TTL: variants seen among roughly 807,000 people sequenced by gnomAD.
TTL encodes the protein tubulin--tyrosine ligase.
In TTL, 10 loss-of-function variants were observed where a neutral mutation model predicts 41.1. That is an observed-to-expected ratio of 0.24 (90% CI 0.15 to 0.41). The LOEUF is 0.41. Ranked by LOEUF, TTL falls within the 10% of genes least tolerant of loss-of-function variation. The pLI is 1.00. For missense variants in TTL, 367 were observed against 460.4 expected, an observed-to-expected ratio of 0.80 and a Z score of 1.86; for synonymous variants, 175 against 175.5, an observed-to-expected ratio of 1.00 and a Z score of 0.02.
At chr2:112,493,247 G>A (rs142000366) in intron 2 of TTL, among the ~76,000 whole-genome samples, 1 of 152,284 alleles carries the variant, frequency 6.6e-6, no homozygotes, top group East Asian at 1.9e-4. Flanking sequence ...CACAGCTCAG[G>A]GAAGGCCAGT....
Position 112,520,472 on chromosome 2 carries a change from G to A in TTL, c.1019+47G>A, listed in dbSNP as rs538391918. On this transcript the variant is annotated intron_variant, in intron 6 of 6. Transcript: ENST00000233336. ...TTTTTACAAGTGGGAAGTTGGTTCTGCAGTTGGGATAGTCTGTGGGTACAA... is the reference window on the plus strand; with the variant it reads ...TTTTTACAAGTGGGAAGTTGGTTCTACAGTTGGGATAGTCTGTGGGTACAA... 1.2e-4 allele frequency: 190 copies of A among 1,604,982 alleles called. 4 individuals carry two copies. The South Asian group carries it at 2.0e-3, about 17-fold the overall frequency.
chr2:112,514,285 G>C (rs1468636985), intron 5 of TTL, among the ~76,000 whole-genome samples: 1 of 151,996 alleles, frequency 6.6e-6, no homozygotes, highest in Non-Finnish European at 1.5e-5. Flanking sequence ...GGGAGGCTGA[G>C]GTGGGAGAAT....
At position 112,528,718 on chromosome 2, in the gene TTL, A is replaced by C. The variant is rs745392240; in HGVS notation, c.1057A>C (p.Ile353Leu). Reference protein sequence around the residue: ...YAELCQGIVDIAISSVFPPPD... With the variant: ...YAELCQGIVDLAISSVFPPPD... ...AGAACTGTGCCAAGGCATCGTGGACATAGCCATTTCCAGTGTCTTCCCACC... is the reference window on the plus strand; with the variant it reads ...AGAACTGTGCCAAGGCATCGTGGACCTAGCCATTTCCAGTGTCTTCCCACC... Residue 353 changes from isoleucine (I) to leucine (L), a missense_variant, in exon 7 of 7, where the codon ATA becomes CTA. By Grantham distance (5) the Ile-to-Leu change is conservative. Transcript: ENST00000233336. 2 of 1,614,198 alleles carry C rather than the reference A, an allele frequency of 1.2e-6. No individual in the cohort carries two copies. The highest frequency in any genetic ancestry group is 3.3e-5 in the Admixed American group (2 of 60,024).
chr2:112,525,980 A>G (rs1056319683), intron 6 of TTL, among the ~76,000 whole-genome samples: 2 of 152,194 alleles, frequency 1.3e-5, no homozygotes, highest in Non-Finnish European at 2.9e-5. Flanking sequence ...TAGTTTATTG[A>G]GAGTTTTTAG....
chr2:112,516,383 A>G (rs1169201734), intron 5 of TTL, among the ~76,000 whole-genome samples: 1 of 152,086 alleles, frequency 6.6e-6, no homozygotes, highest in Non-Finnish European at 1.5e-5. Flanking sequence ...TTTGTTACAA[A>G]TCAGGTGGCT....
intron 3 of TTL, among the ~76,000 whole-genome samples, chr2:112,496,788 G>A (rs1423524605): frequency 1.4e-5 from 2 of 144,740 alleles, no homozygotes; most frequent in Admixed American, 7.0e-5. Flanking sequence ...GTTCACTACA[G>A]CCTCGACTTC....
rs2104485993 is a variant in TTL at position 112,535,385 on chromosome 2, A to G, written c.*6590A>G. The G allele has an allele frequency of 6.6e-6, 1 of 152,034 alleles. No individual in the cohort carries two copies. Among genetic ancestry groups the G allele is most frequent in the Non-Finnish European group, 1.5e-5 (1 of 67,966 alleles). 9.4% of individuals were successfully genotyped at this position (152,034 alleles called of 1,614,324 possible). A position where few individuals can be genotyped will look rare whatever the true frequency, so the allele number is the denominator to read the frequency against. On this transcript the variant is annotated 3_prime_UTR_variant, in exon 7 of 7. Transcript: ENST00000233336. ...AGTGAGAGAGAGGGAAGGGGATAAAACATATACTGGAAGAAATAGTGGCCA... is the reference window on the plus strand; with the variant it reads ...AGTGAGAGAGAGGGAAGGGGATAAAGCATATACTGGAAGAAATAGTGGCCA...
In TTL at chr2:112,514,392, A is replaced by C. The variant is rs573370181; in HGVS notation, c.876-5890A>C. 1.1e-3 allele frequency among the ~76,000 whole-genome samples: 174 copies of C among 152,186 alleles called. 1 individual carries two copies. Among genetic ancestry groups the C allele is most frequent in the Admixed American group, 2.8e-3 (43 of 15,262 alleles). On this transcript the variant is annotated intron_variant, in intron 5 of 6. Transcript: ENST00000233336. Reference sequence around the variant, plus strand: ...GCAAGACTCTGTTTCAAAAAAAAAAAAACTAATTTTTAGTAGTTTTTAAGT... The same window carrying C: ...GCAAGACTCTGTTTCAAAAAAAAAACAACTAATTTTTAGTAGTTTTTAAGT...
chr2:112,540,418 C>G lies in TTL; in HGVS notation c.*11623C>G, dbSNP rs1574080063. On this transcript the variant is annotated 3_prime_UTR_variant, in exon 7 of 7. Coordinates refer to ENST00000233336, the MANE Select transcript of TTL (RefSeq NM_153712.5). ...CAGCAACAAGAGCAAAACTCTGTCT[C>G]AAAAAAACAAAAAACAAAAAAAAAA... 1.3e-5 allele frequency: 1 copy of G among 78,296 alleles called. No individual in the cohort carries two copies. Among genetic ancestry groups the G allele is most frequent in the African/African-American group, 4.6e-5 (1 of 21,896 alleles). 4.9% of individuals were successfully genotyped at this position (78,296 alleles called of 1,614,324 possible). A position where few individuals can be genotyped will look rare whatever the true frequency, so the allele number is the denominator to read the frequency against.
chr2:112,503,262 A>G, intron 5 of TTL, 81 bp downstream of exon 5: 3 of 1,290,490 alleles, frequency 2.3e-6, no homozygotes, highest in Non-Finnish European at 3.1e-6. Context: ...GAATTGTTTC[A>G]TATAAGTTGT....
intron 6 of TTL, among the ~76,000 whole-genome samples, chr2:112,524,355 T>C (rs551644689): frequency 6.6e-6 from 1 of 152,298 alleles, no homozygotes; most frequent in South Asian, 2.1e-4. Context: ...TTCTAGATCG[T>C]TGAGGAATCG....
In TTL at chr2:112,486,587, T is replaced by A. The variant is rs182677159; in HGVS notation, c.236+592T>A. On this transcript the variant is annotated intron_variant, in intron 2 of 6. Coordinates refer to ENST00000233336, the MANE Select transcript of TTL (RefSeq NM_153712.5). ...CTGGGCAGGGTATAAGAGCATTCAC[T>A]GCACTGCCCATCTCTGAGCAGTTGG... Among the ~76,000 whole-genome samples the A allele has an allele frequency of 6.6e-5, 10 of 152,316 alleles. No individual in the cohort carries two copies. In the East Asian group the frequency reaches 1.9e-3, roughly 29 times the overall value.
chr2:112,533,016 T>C lies in TTL; in HGVS notation c.*4221T>C, dbSNP rs1226161865. ...TATAAACCTCACACACCTGAGATGC[T>C]TAGTCTTGTGGATAGAAAGAGTTTC... On this transcript the variant is annotated 3_prime_UTR_variant, in exon 7 of 7. Coordinates refer to ENST00000233336, the MANE Select transcript of TTL (RefSeq NM_153712.5). The C allele has an allele frequency of 6.6e-6, 1 of 152,244 alleles. No individual in the cohort carries two copies. Among genetic ancestry groups the C allele is most frequent in the African/African-American group, 2.4e-5 (1 of 41,468 alleles). The allele number at this position is 152,244 out of a possible 1,614,324, so 9.4% of individuals were successfully genotyped here. A position where few individuals can be genotyped will look rare whatever the true frequency, so the allele number is the denominator to read the frequency against.
In TTL at chr2:112,536,791, TC is replaced by T. The variant is rs2104487000; in HGVS notation, c.*7998del. ...GACTGTGCAATATTTGGTTTTCTGT[TC>T]CTGTGTTATTTCACTTAGGATAATG... On this transcript the variant is annotated 3_prime_UTR_variant, in exon 7 of 7. Transcript: ENST00000233336. 6.6e-6 allele frequency: 1 copy of T among 152,362 alleles called. No homozygotes were observed. The highest frequency in any genetic ancestry group is 6.5e-5 in the Admixed American group (1 of 15,308). The allele number at this position is 152,362 out of a possible 1,614,324, so 9.4% of individuals were successfully genotyped here.
Position 112,537,077 on chromosome 2 carries a change from TTTTG to T in TTL, c.*8303_*8306del, listed in dbSNP as rs540594854. On this transcript the variant is annotated 3_prime_UTR_variant, in exon 7 of 7. Coordinates refer to ENST00000233336, the MANE Select transcript of TTL (RefSeq NM_153712.5). ...AGGCTATGTTGAATGGTAGCTCTGT[TTTTG>T]TTTGTTTGTTTGTTTGTTTGGTGGA... is the stretch of plus-strand genomic sequence containing the variant. 772 of 152,808 alleles carry T rather than the reference TTTTG, an allele frequency of 5.1e-3. 4 individuals carry two copies. Among genetic ancestry groups the T allele is most frequent in the African/African-American group, 0.017 (710 of 41,548 alleles). The allele number at this position is 152,808 out of a possible 1,614,324, so 9.5% of individuals were successfully genotyped here.
At chr2:112,526,599 T>C (rs1239325303) in intron 6 of TTL, among the ~76,000 whole-genome samples, 4 of 152,232 alleles carry the variant, frequency 2.6e-5, no homozygotes, top group African/African-American at 9.6e-5. Context: ...TATTTTCTGA[T>C]GGTAGTTTGT....
At chr2:112,492,874 G>A (rs1013867258) in intron 2 of TTL, among the ~76,000 whole-genome samples, 1 of 152,064 alleles carries the variant, frequency 6.6e-6, no homozygotes, top group Non-Finnish European at 1.5e-5. Flanking sequence ...CTGGGAGACA[G>A]ACTGAGACCC....
Position 112,482,406 on chromosome 2 carries a change from T to C in TTL, c.62T>C (p.Leu21Pro). ...GTCTACGCCGAGGTCTCCCGGCTGC[T>C]CCTCGCCACCGGCCACTGGAAGAGG... Reference protein sequence around the residue: ...SSVYAEVSRLLLATGHWKRLR... With the variant: ...SSVYAEVSRLPLATGHWKRLR... The change falls in exon 1 of 7, where the codon CTC (leucine) becomes CCC (proline). Residue 21 changes from leucine (L) to proline (P), a missense_variant. Transcript: ENST00000233336. This position sits in a 1 kb window ranked among gnomAD's most constrained non-coding sequence, Gnocchi z 5.3. 1 of 1,605,160 alleles carries C rather than the reference T, an allele frequency of 6.2e-7. No individual in the cohort carries two copies. Among genetic ancestry groups the C allele is most frequent in the South Asian group, 1.1e-5 (1 of 89,278 alleles).
chr2:112,520,580 G>A (rs1386254585), intron 6 of TTL, 155 bp downstream of exon 6: 2 of 1,000,220 alleles, frequency 2.0e-6, no homozygotes, highest in South Asian at 3.3e-5. Context: ...AGGGGGCTTT[G>A]CTGAGTCACT....
Sources: allele counts gnomAD v4.1 joint callset (sites outside exome capture counted in the v4.1 genomes callset), GRCh38; gene constraint gnomAD v4.1.1; non-coding constraint Gnocchi (gnomAD v3.1); transcripts MANE v1.5; gene names NCBI Gene and HGNC (gene_info 2026-07-23, HGNC 2026-07-21).